The following RARB variants were observed in gnomAD, a reference collection of about 807,000 sequenced individuals.
The protein encoded by RARB is HBV-activated protein.
A neutral mutation model predicts 51.9 loss-of-function variants in RARB; 17 were observed. The observed-to-expected ratio is 0.33, with a 90% CI of 0.22 to 0.49. The LOEUF (loss-of-function observed/expected upper bound fraction) is 0.49, where lower values mean the gene tolerates loss of function less well. Ranked by LOEUF, RARB falls within the 20% of genes least tolerant of loss-of-function variation. RARB has a pLI of 0.99. For missense variants in RARB, 369 were observed against 550.8 expected (o/e 0.67, Z 3.30); for synonymous variants, 215 against 195.4 (o/e 1.10, Z -0.84).
chr3:24,901,856 C>T (rs1317622353), intron 2 of RARB, among the ~76,000 whole-genome samples: 1 of 152,068 alleles, frequency 6.6e-6, no homozygotes, highest in African/African-American at 2.4e-5. Context: ...TGAGCATTTA[C>T]TATACCAGGT....
intron 5 of RARB, among the ~76,000 whole-genome samples, chr3:25,279,290 C>A (rs538388374): frequency 8.9e-4 from 135 of 152,290 alleles, no homozygotes; most frequent in African/African-American, 3.1e-3. Flanking sequence ...TGGCCACTTC[C>A]CCCACTGCAT....
At chr3:25,209,426 A>G (rs1200983238) in intron 5 of RARB, among the ~76,000 whole-genome samples, 1 of 152,234 alleles carries the variant, frequency 6.6e-6, no homozygotes, top group Non-Finnish European at 1.5e-5. Context: ...GAAGTCCTGT[A>G]GTCATGTAGG....
At chr3:25,590,359 A>C (rs1701568367) in intron 5 of RARB, among the ~76,000 whole-genome samples, 1 of 152,160 alleles carries the variant, frequency 6.6e-6, no homozygotes, top group Non-Finnish European at 1.5e-5. Context: ...CTTTCCGACA[A>C]ATCTCTGGAT....
rs76555544 is a variant in RARB, at chr3:25,315,136, A to C, written c.178+140561A>C. Among the ~76,000 whole-genome samples the C allele has an allele frequency of 5.9e-5, 9 of 152,244 alleles. No homozygotes were observed. In the East Asian group the frequency reaches 1.7e-3, roughly 29 times the overall value. ...TAAAATTCATGCTGAATGTGGAAAAATTCTTAAGAGTACGGGGCAGCTCTC... is the reference window on the plus strand; with the variant it reads ...TAAAATTCATGCTGAATGTGGAAAACTTCTTAAGAGTACGGGGCAGCTCTC... On this transcript the variant is annotated intron_variant, in intron 5 of 11. Coordinates refer to the RARB transcript ENST00000383772.
chr3:24,836,598 G>T (rs772042231), intron 1 of RARB, among the ~76,000 whole-genome samples: 1 of 152,162 alleles, frequency 6.6e-6, no homozygotes, highest in Non-Finnish European at 1.5e-5. Flanking sequence ...AGACCTTACA[G>T]TGTCCTACCA....
intron 1 of RARB, among the ~76,000 whole-genome samples, chr3:24,837,013 G>A (rs1426501176): frequency 6.6e-6 from 1 of 152,174 alleles, no homozygotes; most frequent in Non-Finnish European, 1.5e-5. Context: ...TCTGTTGGGA[G>A]ACATATATCA....
chr3:25,082,116 G>A lies in RARB; in HGVS notation c.-328+21940G>A, dbSNP rs183497808. ...TAGTTTCCATTATATATTTTTAATC[G>A]TTTTTTCTTTTAACCTGTGTACTTA... On this transcript the variant is annotated intron_variant, in intron 3 of 11. Transcript: ENST00000383772. Among the ~76,000 whole-genome samples, 84 of 151,830 alleles carry A rather than the reference G, an allele frequency of 5.5e-4. 1 individual carries two copies. Among genetic ancestry groups the A allele is most frequent in the Admixed American group, 1.8e-3 (28 of 15,228 alleles).
At chr3:25,288,098 T>G (rs1220186724) in intron 5 of RARB, among the ~76,000 whole-genome samples, 2 of 152,132 alleles carry the variant, frequency 1.3e-5, no homozygotes, top group Non-Finnish European at 2.9e-5. Context: ...TAAAAGTAAG[T>G]ACCAAATATA....
In RARB at chr3:25,518,786, C is replaced by T. The variant is rs1447944989; in HGVS notation, c.448+17463C>T. ...ACTTTTTATTTTAGAACATTTTTCT[C>T]TTTATTAAGGTATAACTTACATATC... On this transcript the variant is annotated intron_variant, in intron 3 of 7. Coordinates refer to ENST00000330688, the MANE Select transcript of RARB (RefSeq NM_000965.5). Among the ~76,000 whole-genome samples, 5 of 152,126 alleles carry T rather than the reference C, an allele frequency of 3.3e-5. No individual in the cohort carries two copies. The East Asian group carries it at 9.6e-4, about 29-fold the overall frequency.
At chr3:25,071,475 A>C (rs894061641) in intron 3 of RARB, among the ~76,000 whole-genome samples, 3 of 152,120 alleles carry the variant, frequency 2.0e-5, no homozygotes, top group Non-Finnish European at 4.4e-5. Context: ...ATCTAATTTG[A>C]GTTGGTTGGT....
At chr3:24,907,789 G>A (rs1694897804) in intron 2 of RARB, among the ~76,000 whole-genome samples, 1 of 151,814 alleles carries the variant, frequency 6.6e-6, no homozygotes. Flanking sequence ...AAACAGATTT[G>A]TTTTTAGCAG....
rs565866242 is a variant in RARB, at chr3:25,198,659, A to G, written c.178+24084A>G. Reference sequence around the variant, plus strand: ...GAATAGATATTTCTCAAAAGAAGACATACAAATTGCGAACAGGTATATGGA... The same window carrying G: ...GAATAGATATTTCTCAAAAGAAGACGTACAAATTGCGAACAGGTATATGGA... On this transcript the variant is annotated intron_variant, in intron 5 of 11. Coordinates refer to the RARB transcript ENST00000383772. 3.9e-5 allele frequency among the ~76,000 whole-genome samples: 6 copies of G among 152,294 alleles called. No individual in the cohort carries two copies. In the South Asian group the frequency reaches 6.2e-4, roughly 16 times the overall value.
chr3:25,250,172 G>A (rs1702676638), intron 5 of RARB, among the ~76,000 whole-genome samples: 1 of 152,166 alleles, frequency 6.6e-6, no homozygotes, highest in South Asian at 2.1e-4. Flanking sequence ...AGTAGTAACA[G>A]CAGGTTGGAT....
chr3:25,494,587 T>C (rs894486964), intron 2 of RARB, among the ~76,000 whole-genome samples: 1 of 152,214 alleles, frequency 6.6e-6, no homozygotes, highest in African/African-American at 2.4e-5. Flanking sequence ...GCATCTTACA[T>C]AGTGTTCACT....
chr3:25,471,443 G>C (rs1333902379), intron 2 of RARB, among the ~76,000 whole-genome samples: 2 of 151,998 alleles, frequency 1.3e-5, no homozygotes, highest in Non-Finnish European at 2.9e-5. Context: ...CCTACGGAAG[G>C]AGAAAACACT....
chr3:25,192,726 A>G (rs565061249), intron 5 of RARB, among the ~76,000 whole-genome samples: 1 of 152,224 alleles, frequency 6.6e-6, no homozygotes. Flanking sequence ...ACCACAAAAC[A>G]CACAGACACA....
intron 2 of RARB, among the ~76,000 whole-genome samples, chr3:24,973,614 A>G (rs972056142): frequency 5.3e-5 from 8 of 151,992 alleles, no homozygotes; most frequent in African/African-American, 1.2e-4. Context: ...ACTTTTTTGC[A>G]TGTCTTCAAT....
chr3:25,167,019 T>C (rs898568398), intron 4 of RARB, among the ~76,000 whole-genome samples: 6 of 152,224 alleles, frequency 3.9e-5, no homozygotes, highest in African/African-American at 1.4e-4. Context: ...CAATTTCAGA[T>C]TGGTGCTGTT....
chr3:25,351,774 A>G (rs1440148266), intron 5 of RARB, among the ~76,000 whole-genome samples: 3 of 152,042 alleles, frequency 2.0e-5, no homozygotes, highest in African/African-American at 7.2e-5. Context: ...TGCTTGTGTC[A>G]CTGAAGTATG....
Sources: allele counts gnomAD v4.1 joint callset (sites outside exome capture counted in the v4.1 genomes callset), GRCh38; gene constraint gnomAD v4.1.1; transcripts MANE v1.5; gene names NCBI Gene and HGNC (gene_info 2026-07-23, HGNC 2026-07-21).